The following OR2L13 variants were observed in gnomAD, a reference collection of about 807,000 sequenced individuals.
OR2L13 encodes olfactory receptor family 2 subfamily L member 13.
OR2L13 carries 14 observed loss-of-function variants against 15.3 expected under a neutral mutation model. The observed-to-expected ratio is 0.91, with a 90% confidence interval of 0.60 to 1.43. The LOEUF is 1.43. Ranked by LOEUF, OR2L13 falls within the 40% of genes most tolerant of loss-of-function variation. OR2L13 has a pLI of 0.00. For synonymous variants in OR2L13, 152 were observed against 142.9 expected (o/e 1.06, Z -0.45); for missense variants, 367 against 387.9 (o/e 0.95, Z 0.45).
the OR2L13 span, chr1:248,022,692 T>A: frequency 6.2e-7 from 1 of 1,614,028 alleles, no homozygotes; most frequent in African/African-American, 1.3e-5. Flanking sequence ...TGTAGTAACT[T>A]TCTACTATGC....
chr1:248,085,743 A>G, the OR2L13 span, among the ~76,000 whole-genome samples: 1 of 152,162 alleles, frequency 6.6e-6, no homozygotes, highest in Non-Finnish European at 1.5e-5. Context: ...GTGGTCCCCA[A>G]ACTTTTCTAC....
At chr1:248,079,934 C>T in the OR2L13 span, among the ~76,000 whole-genome samples, 1 of 152,226 alleles carries the variant, frequency 6.6e-6, no homozygotes, top group African/African-American at 2.4e-5. Flanking sequence ...AGATGCAAGC[C>T]ACACATTGGA....
chr1:248,042,381 G>A, the OR2L13 span: 1 of 150,322 alleles, frequency 6.7e-6, no homozygotes, highest in Non-Finnish European at 1.5e-5. Flanking sequence ...GGGAGGGATA[G>A]CATTGGGAGA....
the OR2L13 span, chr1:248,051,183 T>A: frequency 6.6e-6 from 1 of 152,202 alleles, no homozygotes; most frequent in African/African-American, 2.4e-5. Context: ...TCCCCTATCC[T>A]CCAGGGTCCA....
the OR2L13 span, among the ~76,000 whole-genome samples, chr1:248,036,486 C>A: frequency 6.6e-6 from 1 of 152,136 alleles, no homozygotes; most frequent in African/African-American, 2.4e-5. Context: ...ATAGTTTTAA[C>A]TCAGTGTACA....
At chr1:247,967,876 G>C in the OR2L13 span, among the ~76,000 whole-genome samples, 4 of 149,530 alleles carry the variant, frequency 2.7e-5, no homozygotes, top group African/African-American at 9.9e-5. Context: ...TCTCCTCCTC[G>C]TCCTTCCTTC....
chr1:247,987,675 T>A, the OR2L13 span, among the ~76,000 whole-genome samples: 5 of 152,142 alleles, frequency 3.3e-5, no homozygotes, highest in Admixed American at 3.3e-4. Context: ...GCCCATGTAT[T>A]TTCAAACAAT....
the OR2L13 span, among the ~76,000 whole-genome samples, chr1:248,081,965 A>ACAT: frequency 6.6e-6 from 1 of 152,150 alleles, no homozygotes. Context: ...TATTGAAGAT[A>ACAT]CATTGTCCCT....
chr1:248,067,724 G>A, the OR2L13 span, among the ~76,000 whole-genome samples: 2 of 152,208 alleles, frequency 1.3e-5, no homozygotes, highest in Non-Finnish European at 2.9e-5. Flanking sequence ...AAGGGGTCAG[G>A]GAGTTCCCTT....
chr1:247,983,963 A>G, the OR2L13 span, among the ~76,000 whole-genome samples: 2 of 152,114 alleles, frequency 1.3e-5, no homozygotes, highest in Admixed American at 6.6e-5. Context: ...TGGGGGGTCC[A>G]GTGATTTTCT....
chr1:247,950,070 A>G, the OR2L13 span, among the ~76,000 whole-genome samples: 18 of 152,166 alleles, frequency 1.2e-4, no homozygotes, highest in Non-Finnish European at 2.2e-4. Flanking sequence ...AGAAATGAAA[A>G]TGAAAATGGC....
At chr1:248,085,469 C>CAAAAAAA in the OR2L13 span, among the ~76,000 whole-genome samples, 296 of 67,868 alleles carry the variant, frequency 4.4e-3, 9 homozygotes, top group African/African-American at 0.011. Context: ...AGAGAAGCAC[C>CAAAAAAA]AAAAAAAAAA....
the OR2L13 span, among the ~76,000 whole-genome samples, chr1:248,089,722 G>A: frequency 6.6e-6 from 1 of 152,118 alleles, no homozygotes; most frequent in South Asian, 2.1e-4. Context: ...CCACTAAATA[G>A]CTCTACTGGC....
chr1:248,003,531 G>A, the OR2L13 span: 8 of 1,612,330 alleles, frequency 5.0e-6, no homozygotes, highest in South Asian at 2.2e-5. Flanking sequence ...TATCTCATCC[G>A]CATGAGCAAA....
the OR2L13 span, among the ~76,000 whole-genome samples, chr1:247,984,121 A>G: frequency 6.6e-6 from 1 of 152,180 alleles, no homozygotes; most frequent in South Asian, 2.1e-4. Context: ...AGTAAACACA[A>G]AGTCATATAA....
chr1:247,981,915 A>G, the OR2L13 span, among the ~76,000 whole-genome samples: 1 of 151,178 alleles, frequency 6.6e-6, no homozygotes, highest in Admixed American at 6.6e-5. Context: ...TCCCGGGTTC[A>G]CGCCATTCTC....
chr1:247,975,822 A>G, the OR2L13 span, among the ~76,000 whole-genome samples: 1 of 152,186 alleles, frequency 6.6e-6, no homozygotes, highest in Non-Finnish European at 1.5e-5. Flanking sequence ...ATTCTAAGAC[A>G]TCTATGTTGT....
the OR2L13 span, among the ~76,000 whole-genome samples, chr1:247,989,960 C>T: frequency 6.6e-6 from 1 of 152,036 alleles, no homozygotes; most frequent in East Asian, 1.9e-4. Flanking sequence ...AAAATAAACA[C>T]CGTTCAATAA....
chr1:248,025,187 G>A, the OR2L13 span, among the ~76,000 whole-genome samples: 6 of 146,890 alleles, frequency 4.1e-5, no homozygotes, highest in East Asian at 5.9e-4. Context: ...GAAAATTTTC[G>A]CAACCTACTC....
Sources: gnomAD v4.1 joint callset for allele counts (sites outside exome capture counted in the v4.1 genomes callset) on GRCh38, gnomAD v4.1.1 for gene constraint, MANE v1.5 for transcripts, NCBI Gene and HGNC (gene_info 2026-07-23, HGNC 2026-07-21) for gene names.